Variants in SYNE1 observed in about 807,000 individuals in gnomAD.
SYNE1 encodes the protein spectrin repeat containing nuclear envelope protein 1, also known as nesprin-1.
SYNE1 carries 616 observed loss-of-function variants against 1,111.0 expected under a neutral mutation model. The ratio of observed to expected loss-of-function variants is 0.55; its 90% CI spans 0.52 to 0.59. SYNE1 has a LOEUF of 0.59. Among genes scored for constraint, SYNE1 ranks in the 20% least tolerant of loss-of-function variants. SYNE1 has a pLI of 0.00. For synonymous variants in SYNE1, 3,855 were observed against 3,825.8 expected, an observed-to-expected ratio of 1.01 and a Z score of -0.28; for missense variants, 10,006 against 10,417.0, an observed-to-expected ratio of 0.96 and a Z score of 1.72.
In SYNE1 at chr6:152,381,007, T is replaced by G. The variant is rs201605728; in HGVS notation, c.9008A>C (p.Gln3003Pro). 6.2e-7 allele frequency: 1 copy of G among 1,614,032 alleles called. No individual in the cohort carries two copies. Among genetic ancestry groups the G allele is most frequent in the Non-Finnish European group, 8.5e-7 (1 of 1,179,896 alleles). The change falls in exon 56 of 146, where the codon CAA becomes CCA. Residue 3003 changes from glutamine to proline, a missense_variant and splice_region_variant. Gln to Pro is a moderately conservative substitution (Grantham distance 76). Coordinates refer to ENST00000367255, the MANE Select transcript of SYNE1 (RefSeq NM_182961.4). ...EEIVECWHKGQEILDALQKAE... is the reference protein window; with the variant it reads ...EEIVECWHKGPEILDALQKAE... ...ATAGAAAACAGGAAGCCAACTTACT[T>G]GTCCTTTGTGCCAGCATTCCACTAT...
At chr6:152,294,179 T>A (rs755565667) in intron 93 of SYNE1, 52 bp from the exon 94 acceptor site, 11 of 1,586,140 alleles carry the variant, frequency 6.9e-6, no homozygotes, top group Non-Finnish European at 7.7e-6. Flanking sequence ...AAGTCTAGAT[T>A]AATATGCTCT....
At chr6:152,409,416 C>T in intron 43 of SYNE1, 143 bp downstream of exon 43, 1 of 1,225,322 alleles carries the variant, frequency 8.2e-7, no homozygotes, top group Admixed American at 2.1e-5. Flanking sequence ...TGTCAGCATT[C>T]CTAGGGGAAA....
chr6:152,528,174 T>A (rs1009328935), intron 4 of SYNE1, among the ~76,000 whole-genome samples: 1 of 152,180 alleles, frequency 6.6e-6, no homozygotes, highest in African/African-American at 2.4e-5. Flanking sequence ...CAATCCTGAG[T>A]CCTTTGTTCT....
chr6:152,204,708 A>G (rs1483142881), intron 126 of SYNE1, among the ~76,000 whole-genome samples: 3 of 152,204 alleles, frequency 2.0e-5, no homozygotes, highest in African/African-American at 7.2e-5. Context: ...TAGATTCTAA[A>G]TCTATAACCA....
In SYNE1 at chr6:152,416,630, T is replaced by C. The variant is rs112744561; in HGVS notation, c.5807A>G (p.His1936Arg). Residue 1936 changes from histidine to arginine, a missense_variant, in exon 41 of 146, where the codon CAT becomes CGT. Coordinates refer to ENST00000367255, the MANE Select transcript of SYNE1 (RefSeq NM_182961.4). ...TTGCTCAGAGCTCCCGATTTTCAGA[T>C]GGTATTGGGCTTTGGAAAGAATGCC... ...LDGILSKAQYHLKIGSSEQRT... is the reference protein window; with the variant it reads ...LDGILSKAQYRLKIGSSEQRT... The C allele has an allele frequency of 9.5e-5, 153 of 1,614,194 alleles. No homozygotes were observed. The African/African-American group carries it at 1.9e-3, about 20-fold the overall frequency.
At chr6:152,348,186 A>C (rs2096672427) in intron 72 of SYNE1, among the ~76,000 whole-genome samples, 1 of 152,204 alleles carries the variant, frequency 6.6e-6, no homozygotes, top group African/African-American at 2.4e-5. Context: ...GGAATTATAT[A>C]TAAGCCTGAC....
At chr6:152,145,750 C>T (rs1406476165) in intron 137 of SYNE1, 2 of 606,736 alleles carry the variant, frequency 3.3e-6, no homozygotes, top group Admixed American at 2.3e-5. Context: ...GTGGGTGGGG[C>T]ATGGTGGCTC....
At chr6:152,482,136 G>A (rs1476277679) in intron 14 of SYNE1, among the ~76,000 whole-genome samples, 2 of 152,132 alleles carry the variant, frequency 1.3e-5, no homozygotes, top group Admixed American at 6.6e-5. Context: ...TGATGAGCTT[G>A]TCTGAGGTTG....
At chr6:152,606,147 T>G (rs936557233) in intron 3 of SYNE1, among the ~76,000 whole-genome samples, 5 of 152,150 alleles carry the variant, frequency 3.3e-5, no homozygotes, top group African/African-American at 1.2e-4. Flanking sequence ...AGTGGCCATC[T>G]GTAGTGTGGC....
chr6:152,331,362 C>G lies in SYNE1; in HGVS notation c.13323G>C (p.Val4441=). ...TGTTTAAGTACTTTCTTCGCTGGCCCACTAAGTCACTGAGACAATTCACGT... is the reference window on the plus strand; with the variant it reads ...TGTTTAAGTACTTTCTTCGCTGGCCGACTAAGTCACTGAGACAATTCACGT... The part of the protein sequence containing the change: ...QSHVNCLSDL[V]GQRRKYLNKA... The change falls in exon 78 of 146, where the codon GTG becomes GTC. Residue 4441 remains valine, a synonymous_variant. Coordinates refer to ENST00000367255, the MANE Select transcript of SYNE1 (RefSeq NM_182961.4). The G allele has an allele frequency of 6.2e-7, 1 of 1,614,174 alleles. No homozygotes were observed. Among genetic ancestry groups the G allele is most frequent in the Non-Finnish European group, 8.5e-7 (1 of 1,180,032 alleles).
At chr6:152,332,522 C>A (rs1466069760) in intron 77 of SYNE1, among the ~76,000 whole-genome samples, 1 of 152,118 alleles carries the variant, frequency 6.6e-6, no homozygotes, top group Non-Finnish European at 1.5e-5. Context: ...GTAACAGGAT[C>A]CTTGGATGTT....
intron 36 of SYNE1, among the ~76,000 whole-genome samples, chr6:152,428,762 T>C (rs529072883): frequency 2.4e-4 from 36 of 152,044 alleles, no homozygotes; most frequent in African/African-American, 8.2e-4. Context: ...CAAATAAGAG[T>C]TATATCTATT....
At chr6:152,426,876 T>C (rs1229809259) in intron 38 of SYNE1, among the ~76,000 whole-genome samples, 1 of 152,224 alleles carries the variant, frequency 6.6e-6, no homozygotes, top group Non-Finnish European at 1.5e-5. Flanking sequence ...TCCGATGCTA[T>C]AGACACTGGT....
intron 104 of SYNE1, among the ~76,000 whole-genome samples, chr6:152,253,234 C>A (rs1462224566): frequency 6.6e-6 from 1 of 152,148 alleles, no homozygotes; most frequent in Non-Finnish European, 1.5e-5. Context: ...TATATATATT[C>A]TTTGAGTAAA....
intron 91 of SYNE1, among the ~76,000 whole-genome samples, chr6:152,304,055 T>G (rs949197919): frequency 3.3e-5 from 5 of 152,246 alleles, no homozygotes; most frequent in Admixed American, 6.5e-5. Flanking sequence ...ATAGGAATTT[T>G]TAAAACAAGG....
chr6:152,256,758 C>T lies in SYNE1; in HGVS notation c.18980G>A (p.Ser6327Asn). The change falls in exon 102 of 146, where the codon AGC becomes AAC. Residue 6327 changes from serine to asparagine, a missense_variant. Ser to Asn is a conservative substitution (Grantham distance 46). Around this residue, in one of 7 missense-constraint regions of SYNE1, gnomAD observed 2,182 missense variants for 2,287.8 expected, o/e 0.95. Transcript: ENST00000367255. ...LEQEQEQVLY[S>N]RPNRLLSGVP... The stretch of plus-strand genomic sequence containing the variant: ...ACCAGACAAGAGTCGATTTGGCCTG[C>T]TATAAAGCTGTAGGCAAACAAAGGC... The T allele has an allele frequency of 6.2e-7, 1 of 1,613,708 alleles. No individual in the cohort carries two copies. Among genetic ancestry groups the T allele is most frequent in the Non-Finnish European group, 8.5e-7 (1 of 1,179,758 alleles).
chr6:152,549,623 G>A (rs956955286), intron 3 of SYNE1, among the ~76,000 whole-genome samples: 4 of 152,194 alleles, frequency 2.6e-5, no homozygotes, highest in African/African-American at 9.7e-5. Flanking sequence ...CTCTGCATGA[G>A]TTCTGACATG....
At chr6:152,302,488 T>C (rs2095230695) in intron 91 of SYNE1, among the ~76,000 whole-genome samples, 2 of 152,184 alleles carry the variant, frequency 1.3e-5, no homozygotes, top group Non-Finnish European at 2.9e-5. Flanking sequence ...CCAAAAAAAA[T>C]GCAAGGCTCA....
At position 152,533,365 on chromosome 6, in the gene SYNE1, C is replaced by G. The variant is rs62427700; in HGVS notation, c.129+6595G>C. Among the ~76,000 whole-genome samples the G allele has an allele frequency of 7.8e-3, 1,182 of 152,074 alleles. 7 individuals are homozygous for G. The highest frequency in any genetic ancestry group is 0.011 in the Non-Finnish European group (737 of 67,978). On this transcript the variant is annotated intron_variant, in intron 4 of 145. Transcript: ENST00000367255. The stretch of plus-strand genomic sequence containing the variant: ...GCCCTCCAGCTCAGCTTTAAATCTG[C>G]TTGGAAAACTCAGCTCTCAACAATT...
Sources: allele counts gnomAD v4.1 joint callset (sites outside exome capture counted in the v4.1 genomes callset), GRCh38; gene constraint gnomAD v4.1.1; regional missense constraint gnomAD v4.1.1; transcripts MANE v1.5; gene names NCBI Gene and HGNC (gene_info 2026-07-23, HGNC 2026-07-21).